The following MCC variants were observed in gnomAD, a reference collection of about 807,000 sequenced individuals.
MCC encodes MCC regulator of Wnt signaling pathway, also known as colorectal mutant cancer protein.
Under a neutral mutation model 116.2 loss-of-function variants are expected in MCC, and 90 were observed. The observed-to-expected ratio is 0.77, with a 90% CI of 0.65 to 0.92. The LOEUF (loss-of-function observed/expected upper bound fraction) is 0.92. MCC is among the 40% of genes least tolerant of loss of function. The pLI is 0.00. For synonymous variants in MCC, 578 were observed against 510.5 expected (o/e 1.13, Z -1.78); for missense variants, 1,516 against 1,312.2 (o/e 1.16, Z -2.40).
intron 1 of MCC, among the ~76,000 whole-genome samples, chr5:113,465,968 G>A (rs931813121): frequency 5.4e-5 from 8 of 148,020 alleles, no homozygotes; most frequent in African/African-American, 2.1e-4. Flanking sequence ...ATGGAGTCTC[G>A]TTCCATCGCT....
At chr5:113,371,492 C>T (rs1768835749) in intron 2 of MCC, among the ~76,000 whole-genome samples, 1 of 152,112 alleles carries the variant, frequency 6.6e-6, no homozygotes, top group Non-Finnish European at 1.5e-5. Context: ...AGAAATAAAT[C>T]TGACACGGTA....
At chr5:113,334,079 AAGT>A (rs1340348684) in intron 3 of MCC, among the ~76,000 whole-genome samples, 1 of 147,470 alleles carries the variant, frequency 6.8e-6, no homozygotes, top group African/African-American at 2.5e-5. Context: ...TTTAAAAACC[AAGT>A]AGTATAGCTG....
At chr5:113,260,104 C>T (rs1765166967) in intron 3 of MCC, among the ~76,000 whole-genome samples, 1 of 151,928 alleles carries the variant, frequency 6.6e-6, no homozygotes, top group African/African-American at 2.4e-5. Flanking sequence ...TCCTTAAACG[C>T]AGAAGTTCAT....
At chr5:113,050,820 G>A (rs564708410) in intron 15 of MCC, among the ~76,000 whole-genome samples, 24 of 152,358 alleles carry the variant, frequency 1.6e-4, no homozygotes, top group Middle Eastern at 3.4e-3. Flanking sequence ...CCAGCAAGGC[G>A]TCAGACTGTC....
Position 113,053,885 on chromosome 5 carries a change from A to G in MCC, c.2288T>C (p.Ile763Thr). The change falls in exon 15 of 19, where the codon ATC becomes ACC. Residue 763 changes from isoleucine (I) to threonine (T), a missense_variant. Physicochemically the swap from Ile to Thr is moderately conservative, Grantham distance 89. Transcript: ENST00000408903. ...KEDEQRLKDYIQQLKNDRAAV... is the reference protein window; with the variant it reads ...KEDEQRLKDYTQQLKNDRAAV... ...AGCCCTGTCATTCTTGAGCTGCTGGATATAATCCTTCAGCCTCTGCTCGTC... is the reference window on the plus strand; with the variant it reads ...AGCCCTGTCATTCTTGAGCTGCTGGGTATAATCCTTCAGCCTCTGCTCGTC... 4 of 1,614,032 alleles carry G rather than the reference A, an allele frequency of 2.5e-6. No homozygotes were observed. Among genetic ancestry groups the G allele is most frequent in the Non-Finnish European group, 3.4e-6 (4 of 1,179,994 alleles).
intron 3 of MCC, among the ~76,000 whole-genome samples, chr5:113,241,711 T>C (rs1188705630): frequency 1.3e-5 from 2 of 152,214 alleles, no homozygotes; most frequent in African/African-American, 4.8e-5. Context: ...AAAAAGGTAT[T>C]ACATGAAAGC....
chr5:113,203,056 C>T (rs182695994), intron 3 of MCC, among the ~76,000 whole-genome samples: 4 of 152,314 alleles, frequency 2.6e-5, no homozygotes, highest in African/African-American at 9.6e-5. Flanking sequence ...GACCACTCCC[C>T]TTCCCATTTG....
intron 3 of MCC, among the ~76,000 whole-genome samples, chr5:113,242,565 G>A (rs943412843): frequency 1.3e-5 from 2 of 151,782 alleles, no homozygotes; most frequent in Admixed American, 6.6e-5. Context: ...TCAAGAATCT[G>A]GGTTTCCTAT....
At position 113,052,791 on chromosome 5, in the gene MCC, G is replaced by A. The variant is rs924095447; in HGVS notation, c.2448+934C>T. Among the ~76,000 whole-genome samples the A allele has an allele frequency of 4.6e-5, 7 of 152,184 alleles. No individual in the cohort carries two copies. The East Asian group carries it at 1.2e-3, about 25-fold the overall frequency. On this transcript the variant is annotated intron_variant, in intron 15 of 18. Coordinates refer to ENST00000408903, the MANE Select transcript of MCC (RefSeq NM_001085377.2). The stretch of plus-strand genomic sequence containing the variant: ...AATCTCTGGCTCTCTTCCCCTCCCC[G>A]GAGGTCAGGTGGCTGAAAGTCCCAA...
At chr5:113,037,733 T>C (rs1464894591) in intron 17 of MCC, among the ~76,000 whole-genome samples, 4 of 152,014 alleles carry the variant, frequency 2.6e-5, no homozygotes, top group African/African-American at 4.8e-5. Context: ...AGCGGGAAGA[T>C]ACATGATGGA....
intron 3 of MCC, among the ~76,000 whole-genome samples, chr5:113,319,042 T>A (rs1303994633): frequency 6.6e-6 from 1 of 152,014 alleles, no homozygotes; most frequent in African/African-American, 2.4e-5. Flanking sequence ...TAATTTCTTA[T>A]ACATTTTATA....
chr5:113,437,303 G>T (rs1770892181), intron 1 of MCC: 1 of 152,158 alleles, frequency 6.6e-6, no homozygotes, highest in Non-Finnish European at 1.5e-5. Context: ...TCATTTGTGT[G>T]TCCCCTGGCT....
At chr5:113,453,431 G>A (rs1294625101) in intron 1 of MCC, among the ~76,000 whole-genome samples, 1 of 152,104 alleles carries the variant, frequency 6.6e-6, no homozygotes, top group African/African-American at 2.4e-5. Flanking sequence ...AGTGACCAGA[G>A]CCCTCCTGGA....
At chr5:113,090,903 A>G (rs1755579375) in intron 8 of MCC, among the ~76,000 whole-genome samples, 1 of 152,252 alleles carries the variant, frequency 6.6e-6, no homozygotes. Flanking sequence ...AAATCTCCAG[A>G]TGCCAGAAAT....
chr5:113,293,645 C>T (rs1357045543), intron 3 of MCC, among the ~76,000 whole-genome samples: 2 of 152,158 alleles, frequency 1.3e-5, no homozygotes, highest in Non-Finnish European at 2.9e-5. Context: ...TTTGATGTAG[C>T]TTTAATTTCA....
At chr5:113,407,902 G>A (rs899666150) in intron 1 of MCC, among the ~76,000 whole-genome samples, 5 of 152,094 alleles carry the variant, frequency 3.3e-5, no homozygotes, top group Non-Finnish European at 5.9e-5. Context: ...ATTTTTAAGA[G>A]TAGGAATCTT....
intron 3 of MCC, among the ~76,000 whole-genome samples, chr5:113,304,566 G>A (rs1371301806): frequency 6.6e-6 from 1 of 152,182 alleles, no homozygotes; most frequent in African/African-American, 2.4e-5. Flanking sequence ...CAAGCATCAT[G>A]TGATGCATCA....
chr5:113,276,674 T>A (rs978271724), intron 3 of MCC, among the ~76,000 whole-genome samples: 5 of 152,318 alleles, frequency 3.3e-5, no homozygotes, highest in African/African-American at 1.2e-4. Flanking sequence ...TTGCCCAGGC[T>A]GGAGTACAGT....
At chr5:113,220,341 G>A (rs1374687100) in intron 3 of MCC, among the ~76,000 whole-genome samples, 1 of 151,924 alleles carries the variant, frequency 6.6e-6, no homozygotes, top group Non-Finnish European at 1.5e-5. Flanking sequence ...TTTCAGGCGT[G>A]AGCCACTGCG....
Sources: allele counts gnomAD v4.1 joint callset (sites outside exome capture counted in the v4.1 genomes callset), GRCh38; gene constraint gnomAD v4.1.1; transcripts MANE v1.5; gene names NCBI Gene and HGNC (gene_info 2026-07-23, HGNC 2026-07-21).